FHIT: variants seen among roughly 807,000 people sequenced by gnomAD.
The protein encoded by FHIT is fragile histidine triad diadenosine triphosphatase, also known as bis(5'-adenosyl)-triphosphatase.
In FHIT, 19 loss-of-function variants were observed where a neutral mutation model predicts 17.9. The observed-to-expected ratio is 1.06, with a 90% CI of 0.74 to 1.56. The LOEUF is 1.56. Among genes scored for constraint, FHIT ranks in the 40% most tolerant of loss-of-function variants. FHIT has a pLI of 0.00. For missense variants in FHIT, 248 were observed against 189.2 expected (o/e 1.31, Z -1.82); for synonymous variants, 81 against 69.7 (o/e 1.16, Z -0.81).
intron 5 of FHIT, among the ~76,000 whole-genome samples, chr3:60,340,468 A>C (rs1356371103): frequency 2.0e-5 from 3 of 152,182 alleles, no homozygotes; most frequent in African/African-American, 7.2e-5. Flanking sequence ...TGCCCTTCAG[A>C]TGCAAAAGAC....
At chr3:59,959,262 T>C (rs1707552086) in intron 7 of FHIT, among the ~76,000 whole-genome samples, 2 of 152,202 alleles carry the variant, frequency 1.3e-5, no homozygotes, top group South Asian at 4.1e-4. Context: ...TCAATCATTG[T>C]CGGAGCTACC....
intron 5 of FHIT, among the ~76,000 whole-genome samples, chr3:60,344,537 G>A (rs138117312): frequency 4.5e-4 from 69 of 152,210 alleles, no homozygotes; most frequent in African/African-American, 1.6e-3. Context: ...TTGCATCCTA[G>A]AAATTATTTC....
At chr3:60,969,422 T>C (rs1008481636) in intron 3 of FHIT, among the ~76,000 whole-genome samples, 8 of 152,132 alleles carry the variant, frequency 5.3e-5, no homozygotes, top group African/African-American at 1.9e-4. Context: ...TTTTTTAGAT[T>C]CTTGATACTG....
At chr3:59,957,421 G>A (rs143629540) in intron 7 of FHIT, among the ~76,000 whole-genome samples, 17 of 152,304 alleles carry the variant, frequency 1.1e-4, no homozygotes, top group African/African-American at 2.4e-4. Context: ...CCTCCAGAAC[G>A]GTGAGAAAAT....
chr3:60,043,026 T>G (rs1449353504), intron 5 of FHIT, among the ~76,000 whole-genome samples: 1 of 152,166 alleles, frequency 6.6e-6, no homozygotes, highest in East Asian at 1.9e-4. Context: ...GCTCATGAAT[T>G]TACCCTCTCC....
chr3:60,553,396 T>C (rs1344657365), intron 4 of FHIT: 7 of 978,738 alleles, frequency 7.2e-6, no homozygotes, highest in Non-Finnish European at 7.3e-6. Context: ...TTCCACTGAT[T>C]GATCCGACGG....
Position 60,184,552 on chromosome 3 carries a change from A to G in FHIT, c.104-170400T>C, listed in dbSNP as rs1702080715. On this transcript the variant is annotated intron_variant, in intron 5 of 9. Coordinates refer to ENST00000492590, the MANE Select transcript of FHIT (RefSeq NM_002012.4). ...AGTGCCATACTCATCACATCATAGC[A>G]ACGTCCATATTATCAACATGACTTA... Among the ~76,000 whole-genome samples, 2 of 152,320 alleles carry G rather than the reference A, an allele frequency of 1.3e-5. 1 individual carries two copies. Among genetic ancestry groups the G allele is most frequent in the African/African-American group, 4.8e-5 (2 of 41,578 alleles).
chr3:60,584,194 C>T (rs967791618), intron 4 of FHIT, among the ~76,000 whole-genome samples: 1 of 151,994 alleles, frequency 6.6e-6, no homozygotes, highest in South Asian at 2.1e-4. Context: ...ATTTTGTGAG[C>T]CAGTTGACAT....
intron 5 of FHIT, among the ~76,000 whole-genome samples, chr3:60,213,894 C>T (rs1703573559): frequency 6.6e-6 from 1 of 152,154 alleles, no homozygotes; most frequent in Non-Finnish European, 1.5e-5. Context: ...ATCTACATCT[C>T]CTATCTCTAA....
At chr3:60,003,361 G>T (rs888308811) in intron 7 of FHIT, among the ~76,000 whole-genome samples, 1 of 152,050 alleles carries the variant, frequency 6.6e-6, no homozygotes, top group Non-Finnish European at 1.5e-5. Context: ...ATAACTACTA[G>T]TCAAAAGTTT....
intron 5 of FHIT, among the ~76,000 whole-genome samples, chr3:60,300,926 G>A (rs1475459025): frequency 6.6e-6 from 1 of 151,688 alleles, no homozygotes; most frequent in Non-Finnish European, 1.5e-5. Flanking sequence ...TCTTTTACCT[G>A]TACTGTAATA....
chr3:60,751,826 T>C (rs1164900504), intron 4 of FHIT, among the ~76,000 whole-genome samples: 1 of 152,174 alleles, frequency 6.6e-6, no homozygotes, highest in Non-Finnish European at 1.5e-5. Flanking sequence ...AGAATGCTTA[T>C]TCATTGTTTT....
At chr3:59,931,980 A>G (rs925935546) in intron 7 of FHIT, among the ~76,000 whole-genome samples, 3 of 152,064 alleles carry the variant, frequency 2.0e-5, no homozygotes, top group African/African-American at 7.2e-5. Context: ...CAAGTAAAAA[A>G]AAAGCAAGAT....
intron 5 of FHIT, 29 bp downstream of exon 5, chr3:60,536,831 C>T (rs982280803): frequency 4.5e-6 from 7 of 1,570,872 alleles, no homozygotes; most frequent in Non-Finnish European, 6.0e-6. Context: ...CTTTTATTTT[C>T]CCTCTCCAAA....
At chr3:60,121,709 A>AAACAAAAAAAC in intron 5 of FHIT, among the ~76,000 whole-genome samples, 1 of 116,418 alleles carries the variant, frequency 8.6e-6, no homozygotes, top group South Asian at 2.6e-4. Context: ...AAACAAAACA[A>AAACAAAAAAAC]ACACACACAC....
At chr3:61,187,273 C>A (rs2038546052) in intron 2 of FHIT, among the ~76,000 whole-genome samples, 1 of 152,128 alleles carries the variant, frequency 6.6e-6, no homozygotes, top group Non-Finnish European at 1.5e-5. Context: ...AAGACAAGAA[C>A]ATAGACACAG....
chr3:60,742,938 G>A (rs1298679523), intron 4 of FHIT, among the ~76,000 whole-genome samples: 1 of 152,212 alleles, frequency 6.6e-6, no homozygotes, highest in Non-Finnish European at 1.5e-5. Context: ...AATACCTACT[G>A]ACCATATTCA....
chr3:61,199,393 T>C (rs988727473), intron 2 of FHIT, among the ~76,000 whole-genome samples: 1 of 152,194 alleles, frequency 6.6e-6, no homozygotes, highest in Admixed American at 6.5e-5. Flanking sequence ...TCCAGAGACA[T>C]GTAGTTGTAT....
At chr3:60,807,859 A>G (rs12633756) in intron 4 of FHIT, among the ~76,000 whole-genome samples, 46,778 of 151,524 alleles carry the variant, frequency 0.31, 7,891 homozygotes, top group Middle Eastern at 0.39. Context: ...ATAAAATAAA[A>G]AAAGGAAAAA....
Sources: gnomAD v4.1 joint callset for allele counts (sites outside exome capture counted in the v4.1 genomes callset) on GRCh38, gnomAD v4.1.1 for gene constraint, MANE v1.5 for transcripts, NCBI Gene and HGNC (gene_info 2026-07-23, HGNC 2026-07-21) for gene names.